Variants in SPECC1L observed in about 807,000 individuals in gnomAD.
The protein encoded by SPECC1L is cytospin-A.
SPECC1L carries 40 observed loss-of-function variants against 116.8 expected under a neutral mutation model. The ratio of observed to expected loss-of-function variants is 0.34; its 90% CI spans 0.27 to 0.45. The LOEUF (loss-of-function observed/expected upper bound fraction) is 0.45. Ranked by LOEUF, SPECC1L falls within the 20% of genes least tolerant of loss-of-function variation. The pLI, the probability that SPECC1L is intolerant of heterozygous loss-of-function variation, is 1.00. For missense variants in SPECC1L, 1,110 were observed against 1,373.6 expected (o/e 0.81, Z 3.03); for synonymous variants, 504 against 500.6 (o/e 1.01, Z -0.09).
At chr22:24,342,195 A>G (rs1160005564) in intron 10 of SPECC1L, among the ~76,000 whole-genome samples, 2 of 152,262 alleles carry the variant, frequency 1.3e-5, no homozygotes, top group Non-Finnish European at 2.9e-5. Context: ...GCAATAAAAA[A>G]TTACTAGACA....
intron 2 of SPECC1L, among the ~76,000 whole-genome samples, chr22:24,295,081 C>T (rs2049233298): frequency 6.6e-6 from 1 of 151,202 alleles, no homozygotes; most frequent in Non-Finnish European, 1.5e-5. Flanking sequence ...TCCTGTGTGG[C>T]TGTGAATGTG....
chr22:24,343,193 TA>T (rs994970721), intron 10 of SPECC1L, among the ~76,000 whole-genome samples: 4 of 151,870 alleles, frequency 2.6e-5, no homozygotes, highest in African/African-American at 9.7e-5. Context: ...GACTCCATCT[TA>T]AAAAAAATTC....
intron 11 of SPECC1L, among the ~76,000 whole-genome samples, chr22:24,354,186 C>T (rs2041481263): frequency 1.3e-5 from 2 of 152,164 alleles, no homozygotes; most frequent in African/African-American, 4.8e-5. Flanking sequence ...GTACCTCCTA[C>T]CAGGCCCACC....
chr22:24,389,417 A>G (rs971346398), intron 14 of SPECC1L, among the ~76,000 whole-genome samples: 2 of 151,906 alleles, frequency 1.3e-5, no homozygotes, highest in Non-Finnish European at 1.5e-5. Context: ...CTGGCCAATA[A>G]TACTTCTTAG....
intron 10 of SPECC1L, among the ~76,000 whole-genome samples, chr22:24,346,747 C>T (rs947463483): frequency 6.6e-6 from 1 of 152,182 alleles, no homozygotes; most frequent in African/African-American, 2.4e-5. Context: ...AAGATAATGA[C>T]TATATCAGTA....
intron 3 of SPECC1L, among the ~76,000 whole-genome samples, chr22:24,305,325 T>C (rs555941236): frequency 6.6e-6 from 1 of 152,182 alleles, no homozygotes; most frequent in Non-Finnish European, 1.5e-5. Flanking sequence ...GTGCCTCTGC[T>C]TAATCATTGC....
intron 2 of SPECC1L, among the ~76,000 whole-genome samples, chr22:24,292,068 T>C (rs551501146): frequency 6.6e-6 from 1 of 152,148 alleles, no homozygotes; most frequent in East Asian, 1.9e-4. Flanking sequence ...AATGGAGAGA[T>C]TGGGGACTGT....
intron 14 of SPECC1L, among the ~76,000 whole-genome samples, chr22:24,396,051 T>A (rs2042362438): frequency 6.6e-6 from 1 of 152,236 alleles, no homozygotes; most frequent in South Asian, 2.1e-4. Context: ...GCCTTGGGTG[T>A]CAAGTGACAG....
At position 24,321,907 on chromosome 22, in the gene SPECC1L, T is replaced by C. The variant is rs375502303; in HGVS notation, c.927T>C (p.Thr309=). The change falls in exon 5 of 17, where the codon ACT becomes ACC. Residue 309 remains threonine (T), a synonymous_variant. Transcript: ENST00000314328. The part of the protein sequence containing the change: ...TPGNQSDGGG[T]LTSSVEGSAP... ...GTAACCAGAGCGATGGAGGAGGAACTCTGACTTCTTCAGTGGAAGGCTCTG... is the reference window on the plus strand; with the variant it reads ...GTAACCAGAGCGATGGAGGAGGAACCCTGACTTCTTCAGTGGAAGGCTCTG... The C allele has an allele frequency of 3.7e-6, 6 of 1,614,112 alleles. No individual in the cohort carries two copies. In the African/African-American group the frequency reaches 5.3e-5, roughly 14 times the overall value.
chr22:24,330,785 T>C (rs1169058718), intron 8 of SPECC1L, among the ~76,000 whole-genome samples: 1 of 152,216 alleles, frequency 6.6e-6, no homozygotes, highest in Non-Finnish European at 1.5e-5. Flanking sequence ...TCTTGGCTCG[T>C]GTCCAGCTCT....
chr22:24,334,667 C>G (rs1488522315), intron 9 of SPECC1L, 94 bp downstream of exon 9: 16 of 1,356,814 alleles, frequency 1.2e-5, no homozygotes, highest in Non-Finnish European at 1.5e-5. Flanking sequence ...TACTGTCTTA[C>G]TCTTAGTCCC....
chr22:24,414,478 T>G, intron 16 of SPECC1L, 56 bp from the exon 17 acceptor site: 1 of 1,472,378 alleles, frequency 6.8e-7, no homozygotes, highest in South Asian at 1.2e-5. Flanking sequence ...CAGAGCCCAT[T>G]GGCACAGCCT....
At chr22:24,376,206 T>G (rs1361641876) in intron 14 of SPECC1L, among the ~76,000 whole-genome samples, 1 of 152,202 alleles carries the variant, frequency 6.6e-6, no homozygotes, top group Non-Finnish European at 1.5e-5. Flanking sequence ...TAGATTTTTT[T>G]AAGAGATAGG....
At chr22:24,328,337 CTTTA>C (rs2040871336) in intron 6 of SPECC1L, among the ~76,000 whole-genome samples, 1 of 151,506 alleles carries the variant, frequency 6.6e-6, no homozygotes. Context: ...TAAATATATT[CTTTA>C]TTTTTTAAAA....
chr22:24,307,738 T>C (rs2049529274), intron 3 of SPECC1L, among the ~76,000 whole-genome samples: 3 of 152,048 alleles, frequency 2.0e-5, no homozygotes, highest in African/African-American at 7.2e-5. Flanking sequence ...AAGGTCTCAC[T>C]ATGTTGCCCA....
At chr22:24,345,052 C>A (rs1201010858) in intron 10 of SPECC1L, among the ~76,000 whole-genome samples, 2 of 151,994 alleles carry the variant, frequency 1.3e-5, no homozygotes, top group African/African-American at 4.8e-5. Context: ...AATGCAAGAT[C>A]CCTGAATATT....
At chr22:24,347,351 G>C (rs1214995965) in intron 11 of SPECC1L, among the ~76,000 whole-genome samples, 175 bp downstream of exon 11, 1 of 152,166 alleles carries the variant, frequency 6.6e-6, no homozygotes, top group Non-Finnish European at 1.5e-5. Flanking sequence ...GAAAGTAGTT[G>C]TTAATGAATG....
chr22:24,384,537 G>A (rs907169510), intron 14 of SPECC1L, among the ~76,000 whole-genome samples: 3 of 152,126 alleles, frequency 2.0e-5, no homozygotes, highest in Admixed American at 2.0e-4. Flanking sequence ...AAGTTAGGAG[G>A]GGGACAGTAA....
At chr22:24,312,987 C>A (rs112385736) in intron 3 of SPECC1L, among the ~76,000 whole-genome samples, 339 of 152,312 alleles carry the variant, frequency 2.2e-3, no homozygotes, top group Non-Finnish European at 4.1e-3. Flanking sequence ...GATGACACTT[C>A]CTGTGGCATT....
Sources: gnomAD v4.1 joint callset for allele counts (sites outside exome capture counted in the v4.1 genomes callset) on GRCh38, gnomAD v4.1.1 for gene constraint, MANE v1.5 for transcripts, NCBI Gene and HGNC (gene_info 2026-07-23, HGNC 2026-07-21) for gene names.